The following DNER variants were observed in gnomAD, a reference collection of about 807,000 sequenced individuals.
The protein encoded by DNER is delta and Notch-like epidermal growth factor-related receptor.
A neutral mutation model predicts 78.2 loss-of-function variants in DNER; 33 were observed. The ratio of observed to expected loss-of-function variants is 0.42; its 90% CI spans 0.32 to 0.56. DNER has a LOEUF of 0.56. Ranked by LOEUF, DNER falls within the 20% of genes least tolerant of loss-of-function variation. The pLI, the probability that DNER is intolerant of heterozygous loss-of-function variation, is 0.11. For missense variants in DNER, 918 were observed against 975.3 expected, an observed-to-expected ratio of 0.94 and a Z score of 0.78; for synonymous variants, 417 against 384.8, an observed-to-expected ratio of 1.08 and a Z score of -0.98.
intron 10 of DNER, 91 bp from the exon 11 acceptor site, chr2:229,388,487 G>C: frequency 7.0e-7 from 1 of 1,425,816 alleles, no homozygotes; most frequent in Non-Finnish European, 9.2e-7. Context: ...AAGGCTAGGG[G>C]TCATAACCTT....
Position 229,512,945 on chromosome 2 carries a change from C to A in DNER, c.994-9G>T, listed in dbSNP as rs1559153775. 3.1e-6 allele frequency: 5 copies of A among 1,607,952 alleles called. No homozygotes were observed. Among genetic ancestry groups the A allele is most frequent in the Admixed American group, 3.4e-5 (2 of 58,300 alleles). ...GTACAGGAAAAAGTTGCCTAAAACA[C>A]AAAAAAAGCACAGTGTCTATTACCT... On this transcript the variant is annotated splice_polypyrimidine_tract_variant and intron_variant, in intron 5 of 12. Coordinates refer to ENST00000341772, the MANE Select transcript of DNER (RefSeq NM_139072.4).
chr2:229,377,652 T>G (rs144639723), intron 11 of DNER, among the ~76,000 whole-genome samples: 2 of 152,350 alleles, frequency 1.3e-5, no homozygotes. Context: ...ATAGTTTTGA[T>G]AAATCTGTGT....
At chr2:229,389,610 C>T (rs1692972891) in intron 10 of DNER, among the ~76,000 whole-genome samples, 1 of 152,142 alleles carries the variant, frequency 6.6e-6, no homozygotes, top group African/African-American at 2.4e-5. Flanking sequence ...AGTGTACACT[C>T]AAGTGATTAC....
intron 1 of DNER, among the ~76,000 whole-genome samples, chr2:229,635,375 A>AC (rs1698511618): frequency 6.6e-6 from 1 of 150,914 alleles, no homozygotes; most frequent in Non-Finnish European, 1.5e-5. Flanking sequence ...AAAAAAAAAA[A>AC]AAAAAAAAAA....
intron 11 of DNER, among the ~76,000 whole-genome samples, chr2:229,379,440 G>T (rs917259746): frequency 6.6e-6 from 1 of 152,078 alleles, no homozygotes; most frequent in Admixed American, 6.5e-5. Flanking sequence ...TGAATCTGAA[G>T]TCGACTTTGA....
Position 229,678,209 on chromosome 2 carries a change from A to G in DNER, c.276+35939T>C, listed in dbSNP as rs116336878. 9.3e-4 allele frequency among the ~76,000 whole-genome samples: 142 copies of G among 152,246 alleles called. 1 individual carries two copies. Among genetic ancestry groups the G allele is most frequent in the African/African-American group, 3.3e-3 (139 of 41,534 alleles). On this transcript the variant is annotated intron_variant, in intron 1 of 12. Coordinates refer to ENST00000341772, the MANE Select transcript of DNER (RefSeq NM_139072.4). ...CAGTGGCAGCCACTTGCTACCCCCT[A>G]ATTTACTAAAAAACCCTGGGTTAGT...
At chr2:229,542,027 G>A (rs1377740310) in intron 5 of DNER, among the ~76,000 whole-genome samples, 1 of 148,362 alleles carries the variant, frequency 6.7e-6, no homozygotes, top group Admixed American at 6.8e-5. Flanking sequence ...GCCATCCAAT[G>A]TTCCTGTTCC....
intron 10 of DNER, among the ~76,000 whole-genome samples, chr2:229,393,626 T>A (rs1291149750): frequency 6.6e-6 from 1 of 151,918 alleles, no homozygotes; most frequent in Non-Finnish European, 1.5e-5. Context: ...GGTGGGTGGA[T>A]CACGAGGTCA....
At chr2:229,676,616 AC>A (rs1168225561) in intron 1 of DNER, among the ~76,000 whole-genome samples, 1 of 152,114 alleles carries the variant, frequency 6.6e-6, no homozygotes, top group Non-Finnish European at 1.5e-5. Context: ...TGCCACTTCA[AC>A]AAGGTCCTCC....
chr2:229,572,827 A>C (rs1697239636), intron 4 of DNER, among the ~76,000 whole-genome samples: 1 of 152,214 alleles, frequency 6.6e-6, no homozygotes, highest in Non-Finnish European at 1.5e-5. Context: ...ACAGTGTTTT[A>C]ATTTTTGGTT....
rs187382077 is a variant in DNER at position 229,361,420 on chromosome 2, C to T, written c.2103-2769G>A. ...GACTAGGGGTTAGCAAACTATAGTC[C>T]ACAGGCCAATTCCAGCCTGATGCCT... On this transcript the variant is annotated intron_variant, in intron 12 of 12. Coordinates refer to ENST00000341772, the MANE Select transcript of DNER (RefSeq NM_139072.4). 3.0e-3 allele frequency among the ~76,000 whole-genome samples: 464 copies of T among 152,148 alleles called. 3 individuals carry two copies. The highest frequency in any genetic ancestry group is 0.01 in the Middle Eastern group (3 of 294).
At chr2:229,620,204 A>C (rs1698230728) in intron 1 of DNER, among the ~76,000 whole-genome samples, 1 of 152,240 alleles carries the variant, frequency 6.6e-6, no homozygotes, top group Non-Finnish European at 1.5e-5. Context: ...TGAAGAGAGC[A>C]TCGCTCCCGA....
At chr2:229,678,721 C>T (rs1051970002) in intron 1 of DNER, among the ~76,000 whole-genome samples, 1 of 152,176 alleles carries the variant, frequency 6.6e-6, no homozygotes, top group Non-Finnish European at 1.5e-5. Context: ...GATTTTAGAG[C>T]CTTAGAAGAA....
At chr2:229,363,527 T>C (rs1350327513) in intron 12 of DNER, among the ~76,000 whole-genome samples, 1 of 152,206 alleles carries the variant, frequency 6.6e-6, no homozygotes, top group Non-Finnish European at 1.5e-5. Context: ...TGAATAAACG[T>C]TCAGAAGAGA....
At chr2:229,618,505 G>C (rs939305498) in intron 1 of DNER, among the ~76,000 whole-genome samples, 2 of 152,150 alleles carry the variant, frequency 1.3e-5, no homozygotes, top group African/African-American at 4.8e-5. Flanking sequence ...ATTTCCAAGG[G>C]CCTCTCACGC....
intron 4 of DNER, among the ~76,000 whole-genome samples, chr2:229,579,934 C>T (rs1467599999): frequency 6.6e-6 from 1 of 152,154 alleles, no homozygotes; most frequent in Non-Finnish European, 1.5e-5. Context: ...AGGGCCAGAG[C>T]ACCAGGACAG....
chr2:229,595,242 A>G (rs1369127277), intron 1 of DNER, among the ~76,000 whole-genome samples: 3 of 151,922 alleles, frequency 2.0e-5, no homozygotes, highest in Non-Finnish European at 4.4e-5. Flanking sequence ...TGTTACACAA[A>G]TGACTGACTT....
chr2:229,483,261 T>G (rs1323659010), intron 6 of DNER, among the ~76,000 whole-genome samples: 3 of 152,210 alleles, frequency 2.0e-5, no homozygotes. Flanking sequence ...AGAACCACAG[T>G]TAGCTTAGGA....
At chr2:229,584,275 T>C (rs956498462) in intron 4 of DNER, among the ~76,000 whole-genome samples, 2 of 152,170 alleles carry the variant, frequency 1.3e-5, no homozygotes, top group African/African-American at 4.8e-5. Context: ...GGAGGATGCC[T>C]ACCCCATCCT....
Sources: gnomAD v4.1 joint callset for allele counts (sites outside exome capture counted in the v4.1 genomes callset) on GRCh38, gnomAD v4.1.1 for gene constraint, MANE v1.5 for transcripts, NCBI Gene and HGNC (gene_info 2026-07-23, HGNC 2026-07-21) for gene names.